The following AGBL4 variants were observed in gnomAD, a reference collection of about 807,000 sequenced individuals.
The protein encoded by AGBL4 is cytosolic carboxypeptidase 6.
A neutral mutation model predicts 66.4 loss-of-function variants in AGBL4; 58 were observed. The observed-to-expected ratio is 0.87, with a 90% CI of 0.71 to 1.09. The LOEUF is 1.09. Ranked by LOEUF, AGBL4 falls within the 50% of genes least tolerant of loss-of-function variation. The pLI is 0.00. For synonymous variants in AGBL4, 234 were observed against 222.9 expected (o/e 1.05, Z -0.44); for missense variants, 579 against 631.0 (o/e 0.92, Z 0.88).
intron 3 of AGBL4, among the ~76,000 whole-genome samples, chr1:49,360,175 C>T (rs77538045): frequency 0.03 from 4,625 of 152,230 alleles, 131 homozygotes; most frequent in Non-Finnish European, 0.049. Flanking sequence ...CCATAAAGAT[C>T]CTAGCAGAGT....
rs1335590478 is a variant in AGBL4, at chr1:49,286,943, C to T, written c.283-41079G>A. 9.6e-4 allele frequency among the ~76,000 whole-genome samples: 146 copies of T among 152,202 alleles called. 1 individual carries two copies. Among genetic ancestry groups the T allele is most frequent in the Admixed American group, 2.7e-3 (42 of 15,282 alleles). On this transcript the variant is annotated intron_variant, in intron 3 of 13. Coordinates refer to ENST00000371839, the MANE Select transcript of AGBL4 (RefSeq NM_032785.4). ...CAAAAGAACAAAGCTGGAGGCATCA[C>T]GCTACCTGACTTCAAACTATACTAC...
chr1:49,128,483 T>C (rs1645811656), intron 4 of AGBL4, among the ~76,000 whole-genome samples: 1 of 152,046 alleles, frequency 6.6e-6, no homozygotes, highest in African/African-American at 2.4e-5. Context: ...ATCAAGAATG[T>C]GCAAAATTGG....
intron 3 of AGBL4, among the ~76,000 whole-genome samples, chr1:49,291,843 T>A (rs753077319): frequency 2.6e-5 from 4 of 152,130 alleles, no homozygotes; most frequent in Non-Finnish European, 5.9e-5. Flanking sequence ...GCAGCCCCAC[T>A]CCTTCTGAGT....
chr1:49,403,248 C>T (rs186686015), intron 3 of AGBL4, among the ~76,000 whole-genome samples: 1 of 152,192 alleles, frequency 6.6e-6, no homozygotes, highest in Admixed American at 6.5e-5. Flanking sequence ...TTCTTTGTTG[C>T]CTCTTATCTT....
At chr1:48,934,924 T>C (rs1418171762) in intron 5 of AGBL4, among the ~76,000 whole-genome samples, 1 of 152,230 alleles carries the variant, frequency 6.6e-6, no homozygotes, top group African/African-American at 2.4e-5. Context: ...TTTGGTGTAC[T>C]TACCTAACTC....
At chr1:49,306,342 A>G (rs12030700) in intron 3 of AGBL4, among the ~76,000 whole-genome samples, 81,162 of 152,020 alleles carry the variant, frequency 0.53, 22,572 homozygotes, top group Non-Finnish European at 0.62. Context: ...GATTTATTAT[A>G]AGAATGTTAA....
Position 49,116,413 on chromosome 1 carries a change from T to A in AGBL4, c.378-70613A>T, listed in dbSNP as rs1173263235. Among the ~76,000 whole-genome samples the A allele has an allele frequency of 2.6e-5, 4 of 152,128 alleles. No individual in the cohort carries two copies. In the East Asian group the frequency reaches 7.7e-4, roughly 29 times the overall value. ...AGGCCCTGGTGTGTGATACTCCCCA[T>A]CCTGTGTCCAAGTATTCTCATTGTT... On this transcript the variant is annotated intron_variant, in intron 4 of 13. Coordinates refer to ENST00000371839, the MANE Select transcript of AGBL4 (RefSeq NM_032785.4).
chr1:49,878,236 T>A (rs1470253291), intron 1 of AGBL4, among the ~76,000 whole-genome samples: 1 of 149,024 alleles, frequency 6.7e-6, no homozygotes, highest in Admixed American at 6.7e-5. Flanking sequence ...TTTCTAGTTC[T>A]TTTAATTGTG....
intron 3 of AGBL4, among the ~76,000 whole-genome samples, chr1:49,597,678 C>T (rs180930871): frequency 1.4e-3 from 207 of 152,314 alleles, no homozygotes; most frequent in Admixed American, 3.9e-3. Context: ...AAAAGAGTGG[C>T]ATTACCTGTC....
At chr1:48,972,265 G>T (rs546666037) in intron 5 of AGBL4, among the ~76,000 whole-genome samples, 4 of 152,160 alleles carry the variant, frequency 2.6e-5, no homozygotes, top group African/African-American at 9.6e-5. Context: ...TCAAGTTGGG[G>T]GATATGGACT....
At chr1:48,646,935 A>G (rs319955) in intron 8 of AGBL4, among the ~76,000 whole-genome samples, 87,858 of 151,962 alleles carry the variant, frequency 0.58, 25,661 homozygotes, top group Middle Eastern at 0.69. Flanking sequence ...TGTATCTCTC[A>G]GCCTCTACTG....
chr1:48,922,906 A>G (rs913129811), intron 5 of AGBL4, among the ~76,000 whole-genome samples: 1 of 151,440 alleles, frequency 6.6e-6, no homozygotes, highest in Admixed American at 6.6e-5. Flanking sequence ...ATATAACTAT[A>G]AAATATGTTC....
intron 4 of AGBL4, among the ~76,000 whole-genome samples, chr1:49,226,129 C>T (rs545781582): frequency 6.6e-6 from 1 of 152,266 alleles, no homozygotes; most frequent in Admixed American, 6.5e-5. Flanking sequence ...TCTTTCTTGT[C>T]AGTATCTTTA....
At chr1:49,983,850 C>G (rs1414824700) in intron 1 of AGBL4, among the ~76,000 whole-genome samples, 1 of 152,200 alleles carries the variant, frequency 6.6e-6, no homozygotes, top group Non-Finnish European at 1.5e-5. Flanking sequence ...CAATCACTGA[C>G]TGAATGGGCT....
intron 2 of AGBL4, among the ~76,000 whole-genome samples, chr1:49,769,876 G>T (rs1644004702): frequency 6.6e-6 from 1 of 152,074 alleles, no homozygotes; most frequent in African/African-American, 2.4e-5. Context: ...GAAAACCTAA[G>T]AAATACCATT....
chr1:48,874,553 C>T (rs775412778), intron 5 of AGBL4, among the ~76,000 whole-genome samples: 2 of 152,070 alleles, frequency 1.3e-5, no homozygotes, highest in Non-Finnish European at 2.9e-5. Context: ...CAAAAATCTC[C>T]ACGAGTTGTA....
At chr1:49,768,118 CT>C (rs1643945041) in intron 2 of AGBL4, among the ~76,000 whole-genome samples, 1 of 152,104 alleles carries the variant, frequency 6.6e-6, no homozygotes, top group Non-Finnish European at 1.5e-5. Flanking sequence ...GGTACCAATC[CT>C]CCTGAAATTA....
chr1:49,298,454 T>C (rs907391174), intron 3 of AGBL4, among the ~76,000 whole-genome samples: 2 of 152,162 alleles, frequency 1.3e-5, no homozygotes, highest in African/African-American at 4.8e-5. Context: ...TTCCTTCTAT[T>C]TGCAAACAGA....
chr1:49,936,692 T>G (rs1404491343), intron 1 of AGBL4, among the ~76,000 whole-genome samples: 2 of 152,226 alleles, frequency 1.3e-5, no homozygotes, highest in East Asian at 3.9e-4. Flanking sequence ...TCAACATTCT[T>G]AAGGAAAAGA....
Sources: allele counts gnomAD v4.1 joint callset (sites outside exome capture counted in the v4.1 genomes callset), GRCh38; gene constraint gnomAD v4.1.1; transcripts MANE v1.5; gene names NCBI Gene and HGNC (gene_info 2026-07-23, HGNC 2026-07-21).